The following MST1R variants were observed in gnomAD, a reference collection of about 807,000 sequenced individuals.
MST1R encodes macrophage stimulating 1 receptor.
A neutral mutation model predicts 117.8 loss-of-function variants in MST1R; 99 were observed. The observed-to-expected ratio is 0.84, with a 90% confidence interval of 0.71 to 0.99. MST1R has a LOEUF of 0.99. Ranked by LOEUF, MST1R falls within the 50% of genes least tolerant of loss-of-function variation. The pLI is 0.00. For missense variants in MST1R, 1,683 were observed against 1,840.2 expected, an observed-to-expected ratio of 0.91 and a Z score of 1.56; for synonymous variants, 734 against 765.3, an observed-to-expected ratio of 0.96 and a Z score of 0.68.
rs372825999 is a variant in MST1R at position 49,887,348 on chromosome 3, G to A, written c.4162C>T (p.Arg1388Cys). Reference protein sequence around the residue: ...PQFSPMPGNVRRPRPLSEPPR... With the variant: ...PQFSPMPGNVCRPRPLSEPPR... ...GGCTCTGAGAGTGGCCGGGGCCGGC[G>A]TACATTCCCTGGCATGGGTGAGAAC... The change falls in exon 20 of 20, where the codon CGC becomes TGC. Residue 1388 changes from arginine to cysteine, a missense_variant. Physicochemically the swap from Arg to Cys is radical, Grantham distance 180. Coordinates refer to ENST00000296474, the MANE Select transcript of MST1R (RefSeq NM_002447.4). The A allele has an allele frequency of 2.2e-5, 36 of 1,614,134 alleles. No homozygotes were observed. The African/African-American group carries it at 3.3e-4, about 15-fold the overall frequency.
Position 49,903,741 on chromosome 3 carries a change from C to A in MST1R, c.-132G>T. ...AGCGGTCCCGACAGCCCCAAGATAG[C>A]GGACCCCCGCCCCAGGTTCCTGTGA... On this transcript the variant is annotated 5_prime_UTR_variant, in exon 1 of 20. Coordinates refer to ENST00000296474, the MANE Select transcript of MST1R (RefSeq NM_002447.4). The A allele has an allele frequency of 1.6e-6, 2 of 1,249,954 alleles. No homozygotes were observed. Among genetic ancestry groups the A allele is most frequent in the Non-Finnish European group, 2.1e-6 (2 of 930,362 alleles). The allele number at this position is 1,249,954 out of a possible 1,614,324, so 77.4% of individuals were successfully genotyped here.
intron 19 of MST1R, among the ~76,000 whole-genome samples, chr3:49,889,076 C>T (rs985239931): frequency 4.6e-5 from 7 of 152,194 alleles, no homozygotes; most frequent in African/African-American, 1.4e-4. Flanking sequence ...CTGTTGGTCT[C>T]AATTTCAGAA....
In MST1R at chr3:49,890,644, G is replaced by A. The variant is rs140747428; in HGVS notation, c.3651C>T (p.Asp1217=). 7.6e-5 allele frequency: 122 copies of A among 1,610,886 alleles called. No individual in the cohort carries two copies. The highest frequency in any genetic ancestry group is 7.1e-4 in the African/African-American group (53 of 74,972). The change falls in exon 18 of 20, where the codon GAC becomes GAT. Residue 1217 remains aspartate (D), a synonymous_variant. Transcript: ENST00000296474. ...CAGCCACCTTGACTGTGAATGACTC[G>A]TCCAGCCTTAGGGGTAGGGAGAGGA... The part of the protein sequence containing the change: ...RDLAARNCML[D]ESFTVKVADF...
At position 49,903,265 on chromosome 3, in the gene MST1R, G is replaced by A. The variant is rs752198119; in HGVS notation, c.345C>T (p.Pro115=). 8.7e-6 allele frequency: 14 copies of A among 1,609,028 alleles called. No homozygotes were observed. The highest frequency in any genetic ancestry group is 6.7e-5 in the East Asian group (3 of 44,898). ...AACGPGPHGP[P]GDTDTKVLVL... ...CCAGCACCTTTGTGTCTGTGTCACCGGGAGGGCCGTGGGGTCCTGGGCCAC... is the reference window on the plus strand; with the variant it reads ...CCAGCACCTTTGTGTCTGTGTCACCAGGAGGGCCGTGGGGTCCTGGGCCAC... Residue 115 remains proline (P), a synonymous_variant, in exon 1 of 20, where the codon CCC becomes CCT. Coordinates refer to ENST00000296474, the MANE Select transcript of MST1R (RefSeq NM_002447.4).
At chr3:49,897,927 G>A (rs2082537155) in intron 5 of MST1R, 124 bp downstream of exon 5, 17 of 1,409,698 alleles carry the variant, frequency 1.2e-5, no homozygotes, top group Non-Finnish European at 1.7e-5. Flanking sequence ...TCAAAAAGCA[G>A]TCAGAACCAC....
At chr3:49,900,022 T>C (rs1044360793) in intron 1 of MST1R, among the ~76,000 whole-genome samples, 3 of 152,196 alleles carry the variant, frequency 2.0e-5, no homozygotes, top group Non-Finnish European at 4.4e-5. Context: ...TCTGACTCTC[T>C]GTGTGCACTT....
At position 49,895,512 on chromosome 3, in the gene MST1R, TC is replaced by T. The variant is rs1304142350; in HGVS notation, c.2998del (p.Asp1000ThrfsTer60). 1 of 1,614,110 alleles carries T rather than the reference TC, an allele frequency of 6.2e-7. No homozygotes were observed. The highest frequency in any genetic ancestry group is 8.5e-7 in the Non-Finnish European group (1 of 1,180,010). The part of the protein sequence containing the change: ...PPNLNDLASL[D>X]QTAGATPLPI... Reference sequence around the variant, plus strand: ...CAGGGGTGTGGCTCCAGCAGTCTGGTCCAGGGATGCCAGGTCATTCAGGTTG... The same window carrying T: ...CAGGGGTGTGGCTCCAGCAGTCTGGTCAGGGATGCCAGGTCATTCAGGTTG... On this transcript the variant is annotated frameshift_variant, in exon 13 of 20. Transcript: ENST00000296474. LOFTEE classifies it high-confidence loss of function.
Position 49,887,496 on chromosome 3 carries a change from C to T in MST1R, c.4014G>A (p.Val1338=), listed in dbSNP as rs372999406. ...PAVRPTFRVL[V]GEVEQIVSAL... The stretch of plus-strand genomic sequence containing the variant: ...CAGACACTATCTGCTCCACCTCCCC[C>T]ACTAGTACTCTGAAGGTGGGTCGCA... The change falls in exon 20 of 20, where the codon GTG becomes GTA. Residue 1338 remains valine (V), a synonymous_variant. Transcript: ENST00000296474. 11 of 1,614,220 alleles carry T rather than the reference C, an allele frequency of 6.8e-6. No homozygotes were observed. The highest frequency in any genetic ancestry group is 2.2e-5 in the East Asian group (1 of 44,888).
chr3:49,889,160 C>G (rs1198191449), intron 19 of MST1R, among the ~76,000 whole-genome samples: 4 of 152,216 alleles, frequency 2.6e-5, no homozygotes, highest in African/African-American at 9.7e-5. Flanking sequence ...TTCTCCTGCC[C>G]AGTCCTTCTT....
intron 5 of MST1R, 181 bp downstream of exon 5, chr3:49,897,870 G>A: frequency 8.8e-7 from 1 of 1,130,398 alleles, no homozygotes; most frequent in Non-Finnish European, 1.3e-6. Context: ...TGAACAGACA[G>A]GAAGGGCACA....
intron 19 of MST1R, 88 bp from the exon 20 acceptor site, chr3:49,887,650 C>G (rs1331187192): frequency 6.8e-7 from 1 of 1,464,750 alleles, no homozygotes; most frequent in African/African-American, 1.4e-5. Flanking sequence ...TGGCAGGCCA[C>G]ACAGGGATGA....
In MST1R at chr3:49,903,468, T is replaced by C; in HGVS notation, c.142A>G (p.Ser48Gly). The C allele has an allele frequency of 6.2e-7, 1 of 1,613,202 alleles. No individual in the cohort carries two copies. Among genetic ancestry groups the C allele is most frequent in the Non-Finnish European group, 8.5e-7 (1 of 1,179,994 alleles). ...TGTACCAGGCCTCCGGCGGAGAAGCTGGGCACCACGTACTTCACGTCAAAG... is the reference window on the plus strand; with the variant it reads ...TGTACCAGGCCTCCGGCGGAGAAGCCGGGCACCACGTACTTCACGTCAAAG... ...RDFDVKYVVP[S>G]FSAGGLVQAM... The change falls in exon 1 of 20, where the codon AGC (serine) becomes GGC (glycine). Residue 48 changes from serine to glycine, a missense_variant. Transcript: ENST00000296474.
chr3:49,899,765 G>C (rs2082612368), intron 1 of MST1R, among the ~76,000 whole-genome samples: 1 of 151,556 alleles, frequency 6.6e-6, no homozygotes, highest in Non-Finnish European at 1.5e-5. Context: ...TAGAGATGGG[G>C]GTTTCACGAT....
At chr3:49,898,712 C>T in intron 3 of MST1R, 24 bp from the exon 4 acceptor site, 1 of 1,612,902 alleles carries the variant, frequency 6.2e-7, no homozygotes, top group Non-Finnish European at 8.5e-7. Flanking sequence ...ACAGGTGACT[C>T]AGGGGTGCCT....
At chr3:49,888,661 G>T (rs1575419869) in intron 19 of MST1R, among the ~76,000 whole-genome samples, 1 of 151,990 alleles carries the variant, frequency 6.6e-6, no homozygotes, top group Admixed American at 6.5e-5. Flanking sequence ...TGGCACCCTG[G>T]TCCTGAAGCA....
At position 49,896,050 on chromosome 3, in the gene MST1R, C is replaced by T. The variant is rs767728277; in HGVS notation, c.2707G>A (p.Glu903Lys). 1 of 1,610,260 alleles carries T rather than the reference C, an allele frequency of 6.2e-7. No homozygotes were observed. The highest frequency in any genetic ancestry group is 1.1e-5 in the South Asian group (1 of 90,358). Residue 903 changes from glutamate (E) to lysine (K), a missense_variant, in exon 11 of 20, where the codon GAG (glutamate) becomes AAG (lysine). Coordinates refer to ENST00000296474, the MANE Select transcript of MST1R (RefSeq NM_002447.4). ...CVGINVTVGG[E>K]SCQHEFRGDM... Reference sequence around the variant, plus strand: ...CCCCGGAACTCGTGCTGGCAGCTCTCACCACCCACGGTCACGTTGATACCC... The same window carrying T: ...CCCCGGAACTCGTGCTGGCAGCTCTTACCACCCACGGTCACGTTGATACCC...
rs749581478 is a variant in MST1R at position 49,902,951 on chromosome 3, C to G, written c.659G>C (p.Arg220Pro). ...SFSPRSVSIR[R>P]LKADASGFAP... ...GAATCCCGAGGCGTCAGCCTTGAGACGCCTGATAGACACTGAGCGTGGGCT... is the reference window on the plus strand; with the variant it reads ...GAATCCCGAGGCGTCAGCCTTGAGAGGCCTGATAGACACTGAGCGTGGGCT... The change falls in exon 1 of 20, where the codon CGT becomes CCT. Residue 220 changes from arginine (R) to proline (P), a missense_variant. Coordinates refer to ENST00000296474, the MANE Select transcript of MST1R (RefSeq NM_002447.4). 2.5e-5 allele frequency: 41 copies of G among 1,613,324 alleles called. No homozygotes were observed. The Middle Eastern group carries it at 8.2e-4, about 32-fold the overall frequency.
chr3:49,889,329 C>T (rs2082247542), intron 19 of MST1R, among the ~76,000 whole-genome samples: 1 of 152,312 alleles, frequency 6.6e-6, no homozygotes, highest in South Asian at 2.1e-4. Context: ...CTACTCGCAT[C>T]CTTCTTGGAG....
rs61729096 is a variant in MST1R at position 49,896,036 on chromosome 3, G to T, written c.2721C>A (p.His907Gln). The T allele has an allele frequency of 1.2e-6, 2 of 1,608,058 alleles. No homozygotes were observed. The highest frequency in any genetic ancestry group is 1.7e-6 in the Non-Finnish European group (2 of 1,177,110). The change falls in exon 11 of 20, where the codon CAC (histidine) becomes CAA (glutamine). Residue 907 changes from histidine (H) to glutamine (Q), a missense_variant. Coordinates refer to ENST00000296474, the MANE Select transcript of MST1R (RefSeq NM_002447.4). ...AGACAACCATGTCCCCCCGGAACTCGTGCTGGCAGCTCTCACCACCCACGG... is the reference window on the plus strand; with the variant it reads ...AGACAACCATGTCCCCCCGGAACTCTTGCTGGCAGCTCTCACCACCCACGG... ...NVTVGGESCQHEFRGDMVVCP... is the reference protein window; with the variant it reads ...NVTVGGESCQQEFRGDMVVCP...
Sources: gnomAD v4.1 joint callset for allele counts (sites outside exome capture counted in the v4.1 genomes callset) on GRCh38, gnomAD v4.1.1 for gene constraint, MANE v1.5 for transcripts, NCBI Gene and HGNC (gene_info 2026-07-23, HGNC 2026-07-21) for gene names.